Variants in PDZD2 observed in about 807,000 individuals in gnomAD.
PDZD2 encodes PDZ domain containing 2.
PDZD2 carries 90 observed loss-of-function variants against 220.7 expected under a neutral mutation model. The ratio of observed to expected loss-of-function variants is 0.41; its 90% CI spans 0.34 to 0.49. The LOEUF (loss-of-function observed/expected upper bound fraction) is 0.49, where lower values mean the gene tolerates loss of function less well. PDZD2 is among the 20% of genes least tolerant of loss of function. The probability of loss-of-function intolerance (pLI) is 0.28; values close to 1 mark genes in which losing one functional copy is unlikely to be tolerated. For missense variants in PDZD2, 3,174 were observed against 3,608.5 expected (o/e 0.88, Z 3.08); for synonymous variants, 1,375 against 1,450.5 (o/e 0.95, Z 1.18).
chr5:32,105,890 G>T (rs920643532), intron 24 of PDZD2, among the ~76,000 whole-genome samples: 1 of 152,176 alleles, frequency 6.6e-6, no homozygotes, highest in South Asian at 2.1e-4. Flanking sequence ...TTTCTCTCTT[G>T]TGTAAAAAGT....
chr5:32,081,225 G>A (rs1211780059), intron 19 of PDZD2, among the ~76,000 whole-genome samples: 4 of 152,220 alleles, frequency 2.6e-5, no homozygotes, highest in Admixed American at 1.3e-4. Context: ...TACTGACCCC[G>A]GTGGGTGCAG....
intron 2 of PDZD2, among the ~76,000 whole-genome samples, chr5:31,864,428 G>A (rs1263094133): frequency 1.3e-5 from 2 of 152,108 alleles, no homozygotes; most frequent in Non-Finnish European, 2.9e-5. Flanking sequence ...CTGACTGATA[G>A]TCTATGTCCA....
intron 2 of PDZD2, chr5:31,820,781 A>G (rs970739224): frequency 5.9e-5 from 9 of 152,194 alleles, no homozygotes; most frequent in African/African-American, 2.2e-4. Context: ...CCAATAATGT[A>G]TGAATGCCAG....
At chr5:31,811,815 C>A (rs935199687) in intron 2 of PDZD2, among the ~76,000 whole-genome samples, 8 of 151,834 alleles carry the variant, frequency 5.3e-5, no homozygotes, top group Non-Finnish European at 1.0e-4. Context: ...CACGGTGAAA[C>A]CCCATCTCTA....
rs200801339 is a variant in PDZD2 at position 31,689,336 on chromosome 5, C to CATATATAT, written c.-361+49910_-361+49917dup. Among the ~76,000 whole-genome samples the CATATATAT allele has an allele frequency of 4.0e-4, 22 of 55,214 alleles. 1 individual carries two copies. The highest frequency in any genetic ancestry group is 2.8e-3 in the East Asian group (3 of 1,054). 36.2% of individuals were successfully genotyped at this position (55,214 alleles called of 152,430 possible). A position where few individuals can be genotyped will look rare whatever the true frequency, so the allele number is the denominator to read the frequency against. ...ACATATACACATATATATACATATA[C>CATATATAT]ATATATATATATATATATTTTTTTT... On this transcript the variant is annotated intron_variant, in intron 1 of 24. Transcript: ENST00000438447.
intron 2 of PDZD2, among the ~76,000 whole-genome samples, chr5:31,890,455 G>A (rs1245980027): frequency 6.6e-6 from 1 of 152,162 alleles, no homozygotes; most frequent in Non-Finnish European, 1.5e-5. Context: ...GTTTGGTAGA[G>A]GGTCGATTCC....
chr5:31,856,071 A>G (rs1407979159), intron 2 of PDZD2, among the ~76,000 whole-genome samples: 1 of 152,220 alleles, frequency 6.6e-6, no homozygotes, highest in African/African-American at 2.4e-5. Context: ...TCTAAATAAT[A>G]TAGACATATC....
intron 1 of PDZD2, among the ~76,000 whole-genome samples, chr5:31,779,549 A>G (rs1041555663): frequency 2.6e-5 from 4 of 151,420 alleles, no homozygotes; most frequent in Non-Finnish European, 5.9e-5. Flanking sequence ...AACTTTTTGT[A>G]TTTTTAGTAG....
intron 20 of PDZD2, among the ~76,000 whole-genome samples, chr5:32,091,577 C>G (rs1327608098): frequency 1.3e-5 from 2 of 152,140 alleles, no homozygotes; most frequent in Non-Finnish European, 2.9e-5. Flanking sequence ...GCCACTGCAC[C>G]CGGCCACTTC....
chr5:31,888,781 G>A (rs1740753140), intron 2 of PDZD2, among the ~76,000 whole-genome samples: 1 of 152,200 alleles, frequency 6.6e-6, no homozygotes. Context: ...CTGCCTGTGA[G>A]TTGGAAATCT....
chr5:32,101,678 C>G (rs538574093), intron 24 of PDZD2, among the ~76,000 whole-genome samples: 1 of 152,290 alleles, frequency 6.6e-6, no homozygotes, highest in East Asian at 1.9e-4. Flanking sequence ...ACTTAAAATA[C>G]TACACTTGTA....
At chr5:31,875,382 G>A (rs1252348593) in intron 2 of PDZD2, among the ~76,000 whole-genome samples, 14 of 151,802 alleles carry the variant, frequency 9.2e-5, no homozygotes, top group African/African-American at 2.9e-4. Context: ...CCAGGATTTC[G>A]AGACCAGCCT....
intron 2 of PDZD2, among the ~76,000 whole-genome samples, chr5:31,962,586 T>C (rs1561200881): frequency 1.3e-5 from 2 of 152,216 alleles, no homozygotes; most frequent in Non-Finnish European, 2.9e-5. Flanking sequence ...TTTGAGCCTG[T>C]TAAGCATCTG....
intron 2 of PDZD2, among the ~76,000 whole-genome samples, chr5:31,869,908 C>T (rs924064892): frequency 2.0e-5 from 3 of 152,132 alleles, no homozygotes; most frequent in African/African-American, 7.2e-5. Flanking sequence ...TGGGAGGATT[C>T]GTGCCCTCAC....
intron 2 of PDZD2, among the ~76,000 whole-genome samples, chr5:31,968,442 T>C (rs1271877693): frequency 1.3e-5 from 2 of 151,786 alleles, no homozygotes; most frequent in South Asian, 2.1e-4. Context: ...TCTCCTGAGG[T>C]TGGGAATTCG....
rs767762394 is a variant in PDZD2 at position 32,089,549 on chromosome 5, G to T, written c.6101G>T (p.Gly2034Val). 3 of 1,611,898 alleles carry T rather than the reference G, an allele frequency of 1.9e-6. No homozygotes were observed. The African/African-American group carries it at 4.0e-5, about 22-fold the overall frequency. The change falls in exon 20 of 25, where the codon GGG (glycine) becomes GTG (valine). Residue 2034 changes from glycine (G) to valine (V), a missense_variant. This residue lies in a region of PDZD2 where 1,861 missense variants were observed against 2,001.0 expected (regional missense o/e 0.93). Coordinates refer to ENST00000438447, the MANE Select transcript of PDZD2 (RefSeq NM_178140.4). ...GGCAGGGCGCCCCGTGCTGACTCCG[G>T]GCCGGTGAGTCCGGCAGCGTCTAGG... ...AEGRAPRADSGPVSPAASRNG... is the reference protein window; with the variant it reads ...AEGRAPRADSVPVSPAASRNG...
At chr5:31,726,250 C>T (rs1172267238) in intron 1 of PDZD2, among the ~76,000 whole-genome samples, 2 of 152,180 alleles carry the variant, frequency 1.3e-5, no homozygotes, top group African/African-American at 2.4e-5. Context: ...CAGCATGGGC[C>T]GGGCGCGGTG....
At chr5:31,922,309 T>C (rs1412206228) in intron 2 of PDZD2, among the ~76,000 whole-genome samples, 1 of 152,214 alleles carries the variant, frequency 6.6e-6, no homozygotes, top group East Asian at 1.9e-4. Flanking sequence ...AGCCCAAACA[T>C]GTCATTGAGC....
In PDZD2 at chr5:32,098,041, G is replaced by C. The variant is rs555972715; in HGVS notation, c.7948-323G>C. ...GGTCGAGGCGGGTGGATCACCTGAG[G>C]TCAGGAGTTTGAGACCAGCATGGCC... On this transcript the variant is annotated intron_variant, in intron 22 of 24. Transcript: ENST00000438447. This position sits in a 1 kb window ranked among gnomAD's most constrained non-coding sequence, Gnocchi z 4.1. Among the ~76,000 whole-genome samples the C allele has an allele frequency of 3.3e-5, 5 of 152,282 alleles. No individual in the cohort carries two copies. The East Asian group carries it at 9.7e-4, about 29-fold the overall frequency.
Sources: gnomAD v4.1 joint callset for allele counts (sites outside exome capture counted in the v4.1 genomes callset) on GRCh38, gnomAD v4.1.1 for gene constraint, gnomAD v4.1.1 regional missense constraint, Gnocchi (gnomAD v3.1) non-coding constraint, MANE v1.5 for transcripts, NCBI Gene and HGNC (gene_info 2026-07-23, HGNC 2026-07-21) for gene names.